PARD3B: variants seen among roughly 807,000 people sequenced by gnomAD.
The protein encoded by PARD3B is par-3 family cell polarity regulator beta.
A neutral mutation model predicts 130.2 loss-of-function variants in PARD3B; 103 were observed. The observed-to-expected ratio is 0.79, with a 90% CI of 0.67 to 0.93. The LOEUF (loss-of-function observed/expected upper bound fraction) is 0.93. Among genes scored for constraint, PARD3B ranks in the 40% least tolerant of loss-of-function variants. The probability of loss-of-function intolerance (pLI) is 0.00; values close to 1 mark genes in which losing one functional copy is unlikely to be tolerated. For synonymous variants in PARD3B, 583 were observed against 553.2 expected (o/e 1.05, Z -0.76); for missense variants, 1,609 against 1,499.2 (o/e 1.07, Z -1.21).
intron 16 of PARD3B, among the ~76,000 whole-genome samples, chr2:205,285,487 T>C (rs888958585): frequency 6.6e-6 from 1 of 152,166 alleles, no homozygotes; most frequent in African/African-American, 2.4e-5. Flanking sequence ...AGGCCCCTTA[T>C]TGCCAGTGGG....
chr2:205,458,227 A>G lies in PARD3B; in HGVS notation c.3044+17555A>G, dbSNP rs2048337702. The stretch of plus-strand genomic sequence containing the variant: ...CTTTGAAAAATTCTCAGCTGGTCAC[A>G]CCTCTTCAGAATTGTTTCTGTTCCC... On this transcript the variant is annotated intron_variant, in intron 20 of 22. Transcript: ENST00000406610. The surrounding 1 kb of genome is among the most constrained non-coding windows in gnomAD (Gnocchi z 4.8). Among the ~76,000 whole-genome samples, 1 of 151,900 alleles carries G rather than the reference A, an allele frequency of 6.6e-6. No individual in the cohort carries two copies.
intron 18 of PARD3B, among the ~76,000 whole-genome samples, chr2:205,349,219 TCTC>T (rs1289702607): frequency 6.6e-6 from 1 of 152,184 alleles, no homozygotes; most frequent in African/African-American, 2.4e-5. Flanking sequence ...AAATTGGTAA[TCTC>T]CTTAGCTTTT....
chr2:204,958,462 C>T (rs1017452362), intron 2 of PARD3B, among the ~76,000 whole-genome samples: 3 of 152,090 alleles, frequency 2.0e-5, no homozygotes, highest in Non-Finnish European at 4.4e-5. Flanking sequence ...GTTGTGTGTT[C>T]TTGTATGATG....
intron 1 of PARD3B, among the ~76,000 whole-genome samples, chr2:204,599,709 G>A (rs915956352): frequency 6.6e-6 from 1 of 151,832 alleles, no homozygotes; most frequent in Non-Finnish European, 1.5e-5. Context: ...GCCCAATAGT[G>A]AGATTGCTGG....
At position 205,229,804 on chromosome 2, in the gene PARD3B, G is replaced by C. The variant is rs1274916598; in HGVS notation, c.2141-15974G>C. ...CCACAGATGCCGTCCAGGAGCCAGG[G>C]CCTAGAGTCAGAAACCTTAGATGTC... On this transcript the variant is annotated intron_variant, in intron 15 of 22. Transcript: ENST00000406610. The surrounding 1 kb of genome is among the most constrained non-coding windows in gnomAD (Gnocchi z 5.2). 6.6e-6 allele frequency among the ~76,000 whole-genome samples: 1 copy of C among 152,026 alleles called. No individual in the cohort carries two copies. Among genetic ancestry groups the C allele is most frequent in the East Asian group, 1.9e-4 (1 of 5,132 alleles).
chr2:205,259,730 C>T (rs2040229195), intron 16 of PARD3B, among the ~76,000 whole-genome samples: 1 of 151,926 alleles, frequency 6.6e-6, no homozygotes, highest in Non-Finnish European at 1.5e-5. Context: ...GTGTTAAATC[C>T]TTTTTGATAT....
intron 2 of PARD3B, among the ~76,000 whole-genome samples, chr2:204,813,642 T>C (rs1357547471): frequency 3.3e-5 from 5 of 152,128 alleles, no homozygotes; most frequent in African/African-American, 1.2e-4. Flanking sequence ...AGTTTTATCA[T>C]TTTAAGTTTT....
chr2:204,644,310 G>A (rs1574607714), intron 1 of PARD3B, among the ~76,000 whole-genome samples: 2 of 152,064 alleles, frequency 1.3e-5, no homozygotes, highest in East Asian at 1.9e-4. Context: ...AAAGTGCATG[G>A]TATACATATC....
chr2:204,984,709 G>A (rs1008850364), intron 3 of PARD3B, among the ~76,000 whole-genome samples: 2 of 151,982 alleles, frequency 1.3e-5, no homozygotes, highest in African/African-American at 4.8e-5. Context: ...AGGAGGAGAA[G>A]GGCCATTTTT....
Position 205,473,740 on chromosome 2 carries a change from A to G in PARD3B, c.3045-26156A>G, listed in dbSNP as rs970701542. 4.7e-5 allele frequency among the ~76,000 whole-genome samples: 6 copies of G among 127,178 alleles called. No homozygotes were observed. The highest frequency in any genetic ancestry group is 1.2e-4 in the African/African-American group (3 of 24,420). 83.4% of individuals were successfully genotyped at this position (127,178 alleles called of 152,430 possible). Reference sequence around the variant, plus strand: ...CACACGTATATAAAACCCTAAATATATATATATATATATATAACCTTAAAT... The same window carrying G: ...CACACGTATATAAAACCCTAAATATGTATATATATATATATAACCTTAAAT... On this transcript the variant is annotated intron_variant, in intron 20 of 22. Coordinates refer to ENST00000406610, the MANE Select transcript of PARD3B (RefSeq NM_001302769.2). The surrounding 1 kb of genome is among the most constrained non-coding windows in gnomAD (Gnocchi z 4.9).
At chr2:205,048,069 T>A (rs934669862) in intron 4 of PARD3B, 1 of 162,470 alleles carries the variant, frequency 6.2e-6, no homozygotes, top group Non-Finnish European at 1.3e-5. Context: ...TTCACCCAGG[T>A]GTTCTGGCTC....
At chr2:205,003,480 C>T (rs1023324111) in intron 3 of PARD3B, among the ~76,000 whole-genome samples, 14 of 152,130 alleles carry the variant, frequency 9.2e-5, no homozygotes, top group South Asian at 4.1e-4. Flanking sequence ...GGGCTTCCCC[C>T]TGATGGTGTC....
intron 1 of PARD3B, among the ~76,000 whole-genome samples, chr2:204,565,731 G>T (rs2031634959): frequency 6.6e-6 from 1 of 152,074 alleles, no homozygotes; most frequent in African/African-American, 2.4e-5. Context: ...AAAATCTCAA[G>T]AATAAATATC....
chr2:204,976,992 T>C (rs1692230987), intron 3 of PARD3B, among the ~76,000 whole-genome samples: 1 of 152,160 alleles, frequency 6.6e-6, no homozygotes, highest in Non-Finnish European at 1.5e-5. Flanking sequence ...ATGTTCTCTC[T>C]TTTTCACGAA....
chr2:204,603,251 A>C (rs1424485092), intron 1 of PARD3B, among the ~76,000 whole-genome samples: 1 of 152,044 alleles, frequency 6.6e-6, no homozygotes, highest in South Asian at 2.1e-4. Flanking sequence ...CAGTCTGTCA[A>C]CCTCTTTGAG....
intron 21 of PARD3B, among the ~76,000 whole-genome samples, chr2:205,527,997 G>A (rs1307526327): frequency 1.3e-5 from 2 of 152,162 alleles, no homozygotes; most frequent in African/African-American, 4.8e-5. Context: ...GGTCCATCAT[G>A]CATCAGGATT....
At chr2:204,902,985 C>A (rs1038005467) in intron 2 of PARD3B, among the ~76,000 whole-genome samples, 1 of 152,136 alleles carries the variant, frequency 6.6e-6, no homozygotes, top group African/African-American at 2.4e-5. Context: ...TATCCTGTGG[C>A]TGTAGCAAGA....
At chr2:204,714,159 A>G (rs1299792250) in intron 2 of PARD3B, among the ~76,000 whole-genome samples, 1 of 152,026 alleles carries the variant, frequency 6.6e-6, no homozygotes, top group African/African-American at 2.4e-5. Context: ...ATAGCTCTGT[A>G]TTTCTGAGAA....
At chr2:204,761,297 G>A (rs749827400) in intron 2 of PARD3B, among the ~76,000 whole-genome samples, 1 of 152,072 alleles carries the variant, frequency 6.6e-6, no homozygotes, top group South Asian at 2.1e-4. Context: ...ATTAAAAATG[G>A]GAATAACCAC....
Sources: allele counts gnomAD v4.1 joint callset (sites outside exome capture counted in the v4.1 genomes callset), GRCh38; gene constraint gnomAD v4.1.1; non-coding constraint Gnocchi (gnomAD v3.1); transcripts MANE v1.5; gene names NCBI Gene and HGNC (gene_info 2026-07-23, HGNC 2026-07-21).